PCDH11X: variants seen among roughly 807,000 people sequenced by gnomAD.
The protein encoded by PCDH11X is protocadherin 11 X-linked.
In PCDH11X, 18 loss-of-function variants were observed where a neutral mutation model predicts 53.3. The ratio of observed to expected loss-of-function variants is 0.34; its 90% CI spans 0.23 to 0.50. The LOEUF is 0.50. Among genes scored for constraint, PCDH11X ranks in the 20% least tolerant of loss-of-function variants. The pLI is 0.98. For missense variants in PCDH11X, 570 were observed against 1,032.4 expected (o/e 0.55, Z 6.14); for synonymous variants, 279 against 393.3 (o/e 0.71, Z 3.44).
rs2524572 is a variant in PCDH11X, at chrX:91,903,513, C to T, written c.3033+24240C>T. On this transcript the variant is annotated intron_variant, in intron 6 of 10. Transcript: ENST00000682573. The stretch of plus-strand genomic sequence containing the variant: ...AGAGATATCATATCGCTTGCAGTTT[C>T]CTACTATACAGCATGCTGGTTTTAG... Among the ~76,000 whole-genome samples the T allele has an allele frequency of 1.4e-3, 151 of 111,003 alleles. 3 individuals carry two copies. The South Asian group carries it at 0.058, about 42-fold the overall frequency.
intron 7 of PCDH11X, among the ~76,000 whole-genome samples, chrX:92,206,949 C>T (rs1220262120): frequency 1.8e-5 from 2 of 111,640 alleles, no homozygotes; most frequent in East Asian, 5.6e-4. Flanking sequence ...AATCATAGGT[C>T]AATTTTCTTT....
At chrX:91,858,406 A>G (rs1938472743) in intron 5 of PCDH11X, among the ~76,000 whole-genome samples, 2 of 111,602 alleles carry the variant, frequency 1.8e-5, no homozygotes, top group Admixed American at 9.5e-5. Flanking sequence ...CTTGTTTCCT[A>G]TGCAAACTTT....
chrX:92,105,606 G>C (rs1426278307), intron 6 of PCDH11X, among the ~76,000 whole-genome samples: 3 of 107,414 alleles, frequency 2.8e-5, no homozygotes, highest in Non-Finnish European at 3.9e-5. Flanking sequence ...TACAGTCAAA[G>C]GGGGTTTGTT....
intron 6 of PCDH11X, among the ~76,000 whole-genome samples, chrX:91,889,122 C>G (rs1940364554): frequency 9.1e-6 from 1 of 109,862 alleles, no homozygotes; most frequent in South Asian, 3.8e-4. Context: ...GTCTCATATT[C>G]AAGGATGGAA....
rs753463823 is a variant in PCDH11X, at chrX:92,001,387, T to C, written c.3033+122114T>C. On this transcript the variant is annotated intron_variant, in intron 6 of 10. Transcript: ENST00000682573. ...CATTTGTATGTCTTGTTTTGAGAAATGTCTATTCAAATCTTTTGCTCATTT... is the reference window on the plus strand; with the variant it reads ...CATTTGTATGTCTTGTTTTGAGAAACGTCTATTCAAATCTTTTGCTCATTT... 7.2e-5 allele frequency among the ~76,000 whole-genome samples: 8 copies of C among 111,280 alleles called. No individual in the cohort carries two copies. In the East Asian group the frequency reaches 2.0e-3, roughly 28 times the overall value.
intron 5 of PCDH11X, among the ~76,000 whole-genome samples, chrX:91,865,701 A>G (rs890677045): frequency 1.3e-4 from 15 of 112,126 alleles, no homozygotes; most frequent in Middle Eastern, 4.6e-3. Context: ...CTGAGTTGGC[A>G]CTCAAACCAC....
chrX:91,960,717 C>G (rs1335836848), intron 6 of PCDH11X, among the ~76,000 whole-genome samples: 7 of 111,476 alleles, frequency 6.3e-5, no homozygotes, highest in African/African-American at 2.3e-4. Context: ...AGCCACCACA[C>G]CTGGCCAGGT....
At chrX:92,037,070 C>A (rs2063137343) in intron 6 of PCDH11X, among the ~76,000 whole-genome samples, 1 of 111,452 alleles carries the variant, frequency 9.0e-6, no homozygotes, top group African/African-American at 3.3e-5. Flanking sequence ...ATTTTAAATT[C>A]TGGGATATAT....
intron 6 of PCDH11X, among the ~76,000 whole-genome samples, chrX:92,164,560 G>A (rs1181505488): frequency 2.7e-5 from 3 of 112,160 alleles, no homozygotes; most frequent in South Asian, 3.6e-4. Context: ...CAGTGAAAAC[G>A]TGAATAAAAT....
At chrX:91,804,780 C>T (rs771073379) in intron 1 of PCDH11X, among the ~76,000 whole-genome samples, 89 of 110,970 alleles carry the variant, frequency 8.0e-4, no homozygotes, top group African/African-American at 2.8e-3. Context: ...TGATAAAAGA[C>T]AGCCAAATAA....
chrX:91,999,805 A>G (rs1482611803), intron 6 of PCDH11X, among the ~76,000 whole-genome samples: 3 of 110,469 alleles, frequency 2.7e-5, no homozygotes, highest in Admixed American at 9.8e-5. Flanking sequence ...TTTCTTTTTC[A>G]TTGTTTCTTC....
At chrX:92,356,299 C>T (rs1199120553) in intron 8 of PCDH11X, among the ~76,000 whole-genome samples, 3 of 109,733 alleles carry the variant, frequency 2.7e-5, no homozygotes. Flanking sequence ...ATGTAATTAC[C>T]TAAAACTGAG....
rs1202739327 is a variant in PCDH11X, at chrX:92,131,704, T to TAGAG, written c.3034-69670_3034-69667dup. 8.1e-5 allele frequency among the ~76,000 whole-genome samples: 9 copies of TAGAG among 111,410 alleles called. No individual in the cohort carries two copies. In the East Asian group the frequency reaches 2.6e-3, roughly 32 times the overall value. On this transcript the variant is annotated intron_variant, in intron 6 of 10. Coordinates refer to ENST00000682573, the MANE Select transcript of PCDH11X (RefSeq NM_032968.5). ...GGTCTGAGTTCTGAAGATCTTCCTC[T>TAGAG]AGAGCCTCAGTACATTTACTTAATC...
In PCDH11X at chrX:92,520,200, A is replaced by G. The variant is rs1414128223; in HGVS notation, c.3367+51878A>G. ...GTTCCAGACCATTGCAATAAAGTGA[A>G]ATACTGATAAATACAAATCTCTCAG... On this transcript the variant is annotated intron_variant, in intron 10 of 10. Transcript: ENST00000682573. Among the ~76,000 whole-genome samples the G allele has an allele frequency of 1.4e-4, 15 of 106,720 alleles. No homozygotes were observed. The East Asian group carries it at 3.6e-3, about 26-fold the overall frequency. The allele number at this position is 106,720 out of a possible 115,157, so 92.7% of individuals were successfully genotyped here.
At chrX:92,203,070 T>C (rs768349833) in intron 7 of PCDH11X, among the ~76,000 whole-genome samples, 1 of 111,957 alleles carries the variant, frequency 8.9e-6, no homozygotes, top group Non-Finnish European at 1.9e-5. Context: ...CATTAATATT[T>C]GGTATTCTAT....
intron 6 of PCDH11X, among the ~76,000 whole-genome samples, chrX:91,898,403 C>T (rs1940831284): frequency 9.1e-6 from 1 of 109,639 alleles, no homozygotes; most frequent in African/African-American, 3.3e-5. Context: ...GCTTCCTAAA[C>T]CCTGCCATGT....
intron 6 of PCDH11X, among the ~76,000 whole-genome samples, chrX:92,170,964 G>A (rs1356945664): frequency 1.1e-5 from 1 of 87,301 alleles, no homozygotes; most frequent in African/African-American, 3.9e-5. Context: ...GCCAAGCCTA[G>A]CTAATTTTTA....
chrX:92,424,500 G>C (rs1277158535), intron 9 of PCDH11X, among the ~76,000 whole-genome samples: 8 of 95,439 alleles, frequency 8.4e-5, no homozygotes, highest in African/African-American at 2.4e-4. Flanking sequence ...AGTTCGTAGG[G>C]GAACCTGGGA....
intron 6 of PCDH11X, among the ~76,000 whole-genome samples, chrX:91,904,465 A>G (rs1194456552): frequency 9.0e-6 from 1 of 111,063 alleles, no homozygotes; most frequent in African/African-American, 3.3e-5. Context: ...TCTCAAAAAT[A>G]ACTTGTACTT....
Sources: gnomAD v4.1 joint callset for allele counts (sites outside exome capture counted in the v4.1 genomes callset) on GRCh38, gnomAD v4.1.1 for gene constraint, MANE v1.5 for transcripts, NCBI Gene and HGNC (gene_info 2026-07-23, HGNC 2026-07-21) for gene names.